The following LYST variants were observed in gnomAD, a reference collection of about 807,000 sequenced individuals.
LYST encodes lysosomal-trafficking regulator.
LYST carries 192 observed loss-of-function variants against 413.6 expected under a neutral mutation model. The ratio of observed to expected loss-of-function variants is 0.46; its 90% CI spans 0.41 to 0.52. LYST has a LOEUF of 0.52. Ranked by LOEUF, LYST falls within the 20% of genes least tolerant of loss-of-function variation. The pLI is 0.00. For synonymous variants in LYST, 1,525 were observed against 1,567.3 expected, an observed-to-expected ratio of 0.97 and a Z score of 0.64; for missense variants, 3,815 against 4,499.9, an observed-to-expected ratio of 0.85 and a Z score of 4.35.
chr1:235,815,478 G>A (rs1673953429), intron 3 of LYST, among the ~76,000 whole-genome samples: 1 of 152,098 alleles, frequency 6.6e-6, no homozygotes, highest in South Asian at 2.1e-4. Flanking sequence ...AAGATTTGGA[G>A]GAAAAGGGCT....
chr1:235,878,878 T>G (rs1266689673), intron 1 of LYST, among the ~76,000 whole-genome samples: 1 of 152,180 alleles, frequency 6.6e-6, no homozygotes, highest in East Asian at 1.9e-4. Context: ...CTTTGCACAT[T>G]AGTATTTAAA....
intron 1 of LYST, among the ~76,000 whole-genome samples, chr1:235,865,592 C>G (rs1379121165): frequency 1.3e-5 from 2 of 152,174 alleles, no homozygotes; most frequent in African/African-American, 4.8e-5. Flanking sequence ...TCTTCAAATT[C>G]TCCAATCTTT....
intron 29 of LYST, among the ~76,000 whole-genome samples, chr1:235,745,450 T>G (rs912819947): frequency 1.3e-5 from 2 of 152,226 alleles, no homozygotes; most frequent in Admixed American, 1.3e-4. Context: ...GTAAAAAAAC[T>G]TGGACCACTC....
chr1:235,665,418 T>C (rs747811333), intron 50 of LYST, among the ~76,000 whole-genome samples: 196 of 151,834 alleles, frequency 1.3e-3, no homozygotes, highest in Non-Finnish European at 1.9e-3. Context: ...GAGACCAGCC[T>C]AGTTAACATG....
intron 25 of LYST, among the ~76,000 whole-genome samples, chr1:235,754,376 G>A (rs974932628): frequency 1.3e-5 from 2 of 151,612 alleles, no homozygotes; most frequent in South Asian, 2.1e-4. Flanking sequence ...GGGATTACAT[G>A]AATGTGCCAC....
intron 48 of LYST, among the ~76,000 whole-genome samples, chr1:235,685,327 T>A (rs1262460844): frequency 6.6e-6 from 1 of 152,116 alleles, no homozygotes; most frequent in Non-Finnish European, 1.5e-5. Context: ...GCGGTGGCCT[T>A]CTCGTTGGTG....
At chr1:235,775,120 C>T (rs374779441) in intron 17 of LYST, 34 bp from the exon 18 acceptor site, 157 of 1,540,676 alleles carry the variant, frequency 1.0e-4, no homozygotes, top group East Asian at 1.4e-4. Flanking sequence ...TAGTTTTCTC[C>T]CAATTTGCTG....
chr1:235,675,459 C>T (rs13373917), intron 50 of LYST, among the ~76,000 whole-genome samples: 12,571 of 152,188 alleles, frequency 0.083, 1,677 homozygotes, highest in African/African-American at 0.28. Flanking sequence ...TGTGCTCTTA[C>T]GATCGGTCGG....
intron 3 of LYST, 94 bp downstream of exon 3, chr1:235,830,132 A>C: frequency 1.1e-6 from 1 of 911,786 alleles, no homozygotes; most frequent in Non-Finnish European, 1.8e-6. Flanking sequence ...ACTTTATCTC[A>C]AGGAGGCTTC....
chr1:235,697,638 T>C (rs905602993), intron 45 of LYST, among the ~76,000 whole-genome samples: 2 of 152,228 alleles, frequency 1.3e-5, no homozygotes, highest in Non-Finnish European at 2.9e-5. Context: ...ACAAGCCATA[T>C]GTACATATGG....
chr1:235,740,854 T>C (rs567004126), intron 31 of LYST, among the ~76,000 whole-genome samples: 48 of 152,336 alleles, frequency 3.2e-4, no homozygotes, highest in African/African-American at 1.2e-3. Context: ...AAGTTAAATA[T>C]ATGTTTAATT....
At chr1:235,729,701 C>A in intron 36 of LYST, 44 bp from the exon 37 acceptor site, 1 of 1,342,412 alleles carries the variant, frequency 7.4e-7, no homozygotes, top group South Asian at 1.2e-5. Context: ...ATGTTCTGAC[C>A]AATTTCAGAG....
At chr1:235,831,954 A>G (rs1676036065) in intron 2 of LYST, among the ~76,000 whole-genome samples, 1 of 152,200 alleles carries the variant, frequency 6.6e-6, no homozygotes, top group Non-Finnish European at 1.5e-5. Flanking sequence ...CTATGACACA[A>G]TGCTTCTTAT....
chr1:235,664,000 T>A lies in LYST; in HGVS notation c.11251A>T (p.Asn3751Tyr). Residue 3751 changes from asparagine (N) to tyrosine (Y), a missense_variant, in exon 52 of 53, where the codon AAT (asparagine) becomes TAT (tyrosine). Physicochemically the swap from Asn to Tyr is moderately radical, Grantham distance 143 (BLOSUM62 -2). Transcript: ENST00000389793. ...AGATCTTACCTGATGATGGGCTTAT[T>A]TGATTTGGGAAATGTAATTTCTCTC... ...PVREITFPKS[N>Y]KPIISLTFSC... is the part of the protein sequence containing the mutation. 1 of 1,612,756 alleles carries A rather than the reference T, an allele frequency of 6.2e-7. No individual in the cohort carries two copies.
At chr1:235,828,691 G>C (rs1675602528) in intron 3 of LYST, 8 of 746,794 alleles carry the variant, frequency 1.1e-5, no homozygotes, top group Non-Finnish European at 1.3e-5. Flanking sequence ...TATTTATATG[G>C]TATATTTTAA....
intron 19 of LYST, among the ~76,000 whole-genome samples, chr1:235,772,708 A>T (rs965808526): frequency 3.3e-5 from 5 of 152,156 alleles, no homozygotes; most frequent in African/African-American, 1.2e-4. Context: ...ACTCCTGGCC[A>T]GCATGGCTCC....
chr1:235,737,917 G>A, intron 31 of LYST: 106 of 1,160,102 alleles, frequency 9.1e-5, no homozygotes, highest in South Asian at 7.5e-4. Flanking sequence ...CTGCCGACGA[G>A]TCTGGATCTC....
chr1:235,774,992 A>G lies in LYST; in HGVS notation c.5555T>C (p.Leu1852Ser). 1 of 1,609,294 alleles carries G rather than the reference A, an allele frequency of 6.2e-7. No homozygotes were observed. Among genetic ancestry groups the G allele is most frequent in the Middle Eastern group, 1.8e-4 (1 of 5,596 alleles). Residue 1852 changes from leucine to serine, a missense_variant, in exon 18 of 53, where the codon TTA (leucine) becomes TCA (serine). By Grantham distance (145) the Leu-to-Ser change is moderately radical. This residue lies in a region of LYST where 530 missense variants were observed against 696.5 expected (regional missense o/e 0.76). Transcript: ENST00000389793. ...CATAGAAAGTCCATTACAATTTTCTAATTCATGTACTCTTTGTTGGTTGTA... is the reference window on the plus strand; with the variant it reads ...CATAGAAAGTCCATTACAATTTTCTGATTCATGTACTCTTTGTTGGTTGTA... ...IKYNQQRVHE[L>S]ENCNGLSMIH...
intron 1 of LYST, among the ~76,000 whole-genome samples, chr1:235,878,106 T>C (rs1477181716): frequency 6.6e-6 from 1 of 152,232 alleles, no homozygotes; most frequent in Non-Finnish European, 1.5e-5. Flanking sequence ...TGTAATCTTC[T>C]GGATCTTTAT....
Sources: gnomAD v4.1 joint callset for allele counts (sites outside exome capture counted in the v4.1 genomes callset) on GRCh38, gnomAD v4.1.1 for gene constraint, gnomAD v4.1.1 regional missense constraint, MANE v1.5 for transcripts, NCBI Gene and HGNC (gene_info 2026-07-23, HGNC 2026-07-21) for gene names.